The following GRM8 variants were observed in gnomAD, a reference collection of about 807,000 sequenced individuals.
GRM8 encodes glutamate metabotropic receptor 8.
A neutral mutation model predicts 87.2 loss-of-function variants in GRM8; 47 were observed. The observed-to-expected ratio is 0.54, with a 90% confidence interval of 0.43 to 0.69. The LOEUF (loss-of-function observed/expected upper bound fraction) is 0.69. Ranked by LOEUF, GRM8 falls within the 30% of genes least tolerant of loss-of-function variation. The probability of loss-of-function intolerance (pLI) is 0.00; values close to 1 mark genes in which losing one functional copy is unlikely to be tolerated. For synonymous variants in GRM8, 396 were observed against 404.5 expected, an observed-to-expected ratio of 0.98 and a Z score of 0.25; for missense variants, 1,019 against 1,139.2, an observed-to-expected ratio of 0.89 and a Z score of 1.52.
At chr7:126,460,620 G>A (rs188139097) in intron 9 of GRM8, among the ~76,000 whole-genome samples, 4 of 151,518 alleles carry the variant, frequency 2.6e-5, no homozygotes, top group Admixed American at 1.3e-4. Flanking sequence ...TCTTATCTAC[G>A]GCTGAAAATC....
chr7:126,640,671 G>A (rs555427658), intron 7 of GRM8, among the ~76,000 whole-genome samples: 10 of 152,038 alleles, frequency 6.6e-5, no homozygotes, highest in African/African-American at 1.9e-4. Flanking sequence ...TCTTGACAAC[G>A]TATGTCTACT....
chr7:127,252,725 G>C lies in GRM8; in HGVS notation c.-312+72C>G. 1 of 154,092 alleles carries C rather than the reference G, an allele frequency of 6.5e-6. No homozygotes were observed. Among genetic ancestry groups the C allele is most frequent in the Middle Eastern group, 3.1e-3 (1 of 322 alleles). 9.5% of individuals were successfully genotyped at this position (154,092 alleles called of 1,614,324 possible). The stretch of plus-strand genomic sequence containing the variant: ...CGTTTTGGGGAAGTTTGGGGGCCAG[G>C]GGCTTTTTGTCCCGTGGTTCGGCAC... On this transcript the variant is annotated intron_variant, in intron 1 of 10. Transcript: ENST00000339582. The surrounding 1 kb of genome is among the most constrained non-coding windows in gnomAD (Gnocchi z 4.9).
At chr7:126,673,916 C>T (rs556739047) in intron 7 of GRM8, among the ~76,000 whole-genome samples, 5 of 152,202 alleles carry the variant, frequency 3.3e-5, no homozygotes, top group African/African-American at 7.2e-5. Context: ...TCTTAGTTGG[C>T]GTTCGATTAG....
intron 9 of GRM8, among the ~76,000 whole-genome samples, chr7:126,506,427 C>T (rs775203076): frequency 1.3e-5 from 2 of 152,046 alleles, no homozygotes; most frequent in Middle Eastern, 3.2e-3. Context: ...TGACTGCAAA[C>T]TTCCAGAAGG....
rs571623618 is a variant in GRM8 at position 126,885,895 on chromosome 7, T to C, written c.1156+16647A>G. Among the ~76,000 whole-genome samples, 3 of 152,264 alleles carry C rather than the reference T, an allele frequency of 2.0e-5. No homozygotes were observed. The East Asian group carries it at 5.8e-4, about 29-fold the overall frequency. On this transcript the variant is annotated intron_variant, in intron 6 of 10. Transcript: ENST00000339582. ...ATCTAAATCCAAAGGCCAGTTTTTT[T>C]CCCCTTGGAAACATAAGCGCCTGAA...
chr7:127,233,180 T>C (rs926292208), intron 2 of GRM8, among the ~76,000 whole-genome samples: 1 of 152,146 alleles, frequency 6.6e-6, no homozygotes, highest in Admixed American at 6.5e-5. Flanking sequence ...ATAAATTATC[T>C]TGCTTAAGGT....
intron 2 of GRM8, among the ~76,000 whole-genome samples, chr7:127,239,007 C>T (rs1798140207): frequency 6.6e-6 from 1 of 152,200 alleles, no homozygotes; most frequent in African/African-American, 2.4e-5. Flanking sequence ...TAGCTGACAA[C>T]ACCTAGATCC....
At chr7:127,036,946 G>A (rs1817905145) in intron 3 of GRM8, among the ~76,000 whole-genome samples, 1 of 151,980 alleles carries the variant, frequency 6.6e-6, no homozygotes, top group Non-Finnish European at 1.5e-5. Context: ...TCTATTTAAT[G>A]ACCCACATTT....
intron 3 of GRM8, among the ~76,000 whole-genome samples, chr7:126,982,018 T>C (rs1490688647): frequency 1.3e-5 from 2 of 151,792 alleles, no homozygotes; most frequent in Non-Finnish European, 2.9e-5. Flanking sequence ...ATCTAGGGAG[T>C]TTATTAAGTA....
intron 6 of GRM8, among the ~76,000 whole-genome samples, chr7:126,851,979 C>T (rs984615030): frequency 6.6e-6 from 1 of 152,104 alleles, no homozygotes; most frequent in African/African-American, 2.4e-5. Context: ...TGCTGTATTG[C>T]CATGCCAGAG....
In GRM8 at chr7:126,945,808, T is replaced by C. The variant is rs188816876; in HGVS notation, c.728-41125A>G. ...CTATACATTTTGTCAAGGGAAGTTA[T>C]ATCTCCCCATCCCTATGTAGAGATG... is the stretch of plus-strand genomic sequence containing the variant. On this transcript the variant is annotated intron_variant, in intron 3 of 10. Coordinates refer to ENST00000339582, the MANE Select transcript of GRM8 (RefSeq NM_000845.3). Among the ~76,000 whole-genome samples, 28 of 152,338 alleles carry C rather than the reference T, an allele frequency of 1.8e-4. No homozygotes were observed. In the East Asian group the frequency reaches 3.5e-3, roughly 19 times the overall value.
At chr7:126,796,749 C>T (rs1821990967) in intron 6 of GRM8, among the ~76,000 whole-genome samples, 1 of 152,010 alleles carries the variant, frequency 6.6e-6, no homozygotes, top group South Asian at 2.1e-4. Context: ...CTAGTTAAAG[C>T]ACCCTCCAAA....
intron 8 of GRM8, among the ~76,000 whole-genome samples, chr7:126,537,042 C>G (rs892367943): frequency 6.6e-6 from 1 of 152,078 alleles, no homozygotes; most frequent in African/African-American, 2.4e-5. Context: ...AACTATTTAT[C>G]ATTATAAGCT....
chr7:127,042,155 G>C (rs1818486306), intron 3 of GRM8, among the ~76,000 whole-genome samples: 2 of 152,160 alleles, frequency 1.3e-5, no homozygotes, highest in Non-Finnish European at 2.9e-5. Context: ...TTTTAACTTT[G>C]AGAGCCTCAG....
At position 127,143,614 on chromosome 7, in the gene GRM8, A is replaced by T. The variant is rs530554560; in HGVS notation, c.511-36902T>A. ...GAAGATACTAAAGCTTACAGAGGTT[A>T]AAAAATTTGCCCATGATCATTTGGC... is the stretch of plus-strand genomic sequence containing the variant. On this transcript the variant is annotated intron_variant, in intron 2 of 10. Coordinates refer to ENST00000339582, the MANE Select transcript of GRM8 (RefSeq NM_000845.3). Among the ~76,000 whole-genome samples the T allele has an allele frequency of 1.1e-3, 166 of 152,240 alleles. 1 individual carries two copies. The highest frequency in any genetic ancestry group is 3.9e-3 in the African/African-American group (161 of 41,562).
At chr7:127,208,078 A>G (rs1190217519) in intron 2 of GRM8, among the ~76,000 whole-genome samples, 1 of 152,184 alleles carries the variant, frequency 6.6e-6, no homozygotes. Context: ...GCTGTGGTTC[A>G]GTAACTTTCT....
At chr7:126,734,427 A>T (rs1287862442) in intron 7 of GRM8, among the ~76,000 whole-genome samples, 2 of 151,792 alleles carry the variant, frequency 1.3e-5, no homozygotes, top group Non-Finnish European at 2.9e-5. Context: ...AGATAGCCAG[A>T]TTAATAAAAT....
intron 7 of GRM8, among the ~76,000 whole-genome samples, chr7:126,754,207 G>A (rs1476418725): frequency 6.6e-6 from 1 of 151,742 alleles, no homozygotes; most frequent in African/African-American, 2.4e-5. Context: ...ACCTAAACTT[G>A]TATATGTCAA....
chr7:126,746,259 G>A (rs887319229), intron 7 of GRM8, among the ~76,000 whole-genome samples: 1 of 151,706 alleles, frequency 6.6e-6, no homozygotes, highest in African/African-American at 2.4e-5. Context: ...TCTGTGTTAT[G>A]CCATAGTACT....
Sources: allele counts gnomAD v4.1 joint callset (sites outside exome capture counted in the v4.1 genomes callset), GRCh38; gene constraint gnomAD v4.1.1; non-coding constraint Gnocchi (gnomAD v3.1); transcripts MANE v1.5; gene names NCBI Gene and HGNC (gene_info 2026-07-23, HGNC 2026-07-21).